Variants in WWOX observed in about 807,000 individuals in gnomAD.
WWOX encodes WW domain containing oxidoreductase.
In WWOX, 69 loss-of-function variants were observed where a neutral mutation model predicts 46.2. The observed-to-expected ratio is 1.49, with a 90% CI of 1.23 to 1.82. The LOEUF (loss-of-function observed/expected upper bound fraction) is 1.82, where lower values mean the gene tolerates loss of function less well. WWOX is among the 40% of genes most tolerant of loss of function. The probability of loss-of-function intolerance (pLI) is 0.00; values close to 1 mark genes in which losing one functional copy is unlikely to be tolerated. For missense variants in WWOX, 919 were observed against 542.6 expected, an observed-to-expected ratio of 1.69 and a Z score of -6.89; for synonymous variants, 359 against 202.6, an observed-to-expected ratio of 1.77 and a Z score of -6.56.
chr16:78,469,430 T>C (rs919788183), intron 8 of WWOX, among the ~76,000 whole-genome samples: 4 of 152,122 alleles, frequency 2.6e-5, no homozygotes, highest in Non-Finnish European at 4.4e-5. Context: ...AAACCAAAAG[T>C]GAGCAACAAG....
At chr16:78,406,946 A>T (rs1345574563) in intron 6 of WWOX, among the ~76,000 whole-genome samples, 1 of 152,126 alleles carries the variant, frequency 6.6e-6, no homozygotes, top group Non-Finnish European at 1.5e-5. Flanking sequence ...AATTTTTATA[A>T]ACTCCTTGGA....
At chr16:78,519,451 C>T (rs1407893893) in intron 8 of WWOX, among the ~76,000 whole-genome samples, 1 of 151,692 alleles carries the variant, frequency 6.6e-6, no homozygotes, top group Non-Finnish European at 1.5e-5. Context: ...AATGTGTTTC[C>T]TTCTAATTTT....
At chr16:78,930,329 G>C (rs2045596515) in intron 8 of WWOX, among the ~76,000 whole-genome samples, 1 of 137,600 alleles carries the variant, frequency 7.3e-6, no homozygotes, top group Non-Finnish European at 1.6e-5. Context: ...CCAGACTGGA[G>C]TGCAGTGGCA....
At chr16:78,759,834 C>T (rs779901110) in intron 8 of WWOX, among the ~76,000 whole-genome samples, 3 of 152,148 alleles carry the variant, frequency 2.0e-5, no homozygotes, top group Non-Finnish European at 2.9e-5. Flanking sequence ...AAAATGTTGG[C>T]AGGCCTTAGG....
chr16:78,605,275 T>TCCTCTTCCTCTGTCTC (rs1174063345), intron 8 of WWOX, among the ~76,000 whole-genome samples: 1 of 151,886 alleles, frequency 6.6e-6, no homozygotes, highest in Non-Finnish European at 1.5e-5. Context: ...GCCTCCTGCT[T>TCCTCTTCCTCTGTCTC]CCTCTTCCTC....
chr16:78,985,987 C>T (rs185910637), intron 8 of WWOX, among the ~76,000 whole-genome samples: 3 of 152,324 alleles, frequency 2.0e-5, no homozygotes, highest in East Asian at 1.9e-4. Flanking sequence ...CAACAATGCA[C>T]TGTGCTGACC....
chr16:78,114,869 G>T, intron 3 of WWOX, 107 bp from the exon 4 acceptor site: 2 of 1,410,726 alleles, frequency 1.4e-6, no homozygotes, highest in Non-Finnish European at 2.0e-6. Context: ...TAAGGAATAA[G>T]CATTTTGGTC....
intron 8 of WWOX, 22 bp downstream of exon 8, chr16:78,432,774 C>T (rs1567570608): frequency 6.2e-7 from 1 of 1,614,026 alleles, no homozygotes; most frequent in Non-Finnish European, 8.5e-7. Flanking sequence ...GCTTCTGGCG[C>T]CGCAAACACC....
intron 3 of WWOX, among the ~76,000 whole-genome samples, chr16:78,112,767 A>G (rs1366139799): frequency 6.8e-6 from 1 of 147,776 alleles, no homozygotes; most frequent in African/African-American, 2.5e-5. Flanking sequence ...TGACACAGTC[A>G]CAGCTCGCTG....
chr16:78,225,082 C>T (rs768332852), intron 5 of WWOX, among the ~76,000 whole-genome samples: 2 of 152,124 alleles, frequency 1.3e-5, no homozygotes, highest in Non-Finnish European at 2.9e-5. Context: ...AATGTATTGT[C>T]GGAATTCTGT....
intron 8 of WWOX, among the ~76,000 whole-genome samples, chr16:79,120,595 G>A (rs1027743838): frequency 3.3e-4 from 50 of 152,136 alleles, no homozygotes; most frequent in African/African-American, 1.1e-3. Context: ...GAGCCCAGAC[G>A]TCTGAAATTG....
chr16:79,023,472 C>G (rs1043357362), intron 8 of WWOX, among the ~76,000 whole-genome samples: 6 of 152,122 alleles, frequency 3.9e-5, no homozygotes, highest in African/African-American at 1.4e-4. Flanking sequence ...ACAAAGTGTT[C>G]AGGTTACATC....
In WWOX at chr16:78,720,665, C is replaced by T. The variant is rs1035269331; in HGVS notation, c.1056+287913C>T. On this transcript the variant is annotated intron_variant, in intron 8 of 8. Coordinates refer to ENST00000566780, the MANE Select transcript of WWOX (RefSeq NM_016373.4). ...CCTTGAATTGAATATGAGGCTCTGA[C>T]TATATAACAGAAAACACCCGAGTTT... 3.3e-5 allele frequency among the ~76,000 whole-genome samples: 5 copies of T among 152,048 alleles called. No homozygotes were observed. The East Asian group carries it at 7.8e-4, about 24-fold the overall frequency.
intron 6 of WWOX, among the ~76,000 whole-genome samples, chr16:78,402,860 G>A (rs1354971659): frequency 8.6e-5 from 13 of 151,290 alleles, no homozygotes. Flanking sequence ...TTTACAGCTG[G>A]TGACAGGGGG....
At chr16:78,324,943 C>A (rs528882996) in intron 5 of WWOX, among the ~76,000 whole-genome samples, 2 of 152,218 alleles carry the variant, frequency 1.3e-5, no homozygotes, top group South Asian at 4.1e-4. Flanking sequence ...CTCAATAAAG[C>A]TGTTAAAAAA....
chr16:78,742,735 T>C (rs1033598235), intron 8 of WWOX, among the ~76,000 whole-genome samples: 41 of 152,308 alleles, frequency 2.7e-4, no homozygotes, highest in African/African-American at 9.4e-4. Flanking sequence ...CAGTTTTGTT[T>C]TCACTTTGGT....
At chr16:78,523,460 G>A (rs1365159102) in intron 8 of WWOX, among the ~76,000 whole-genome samples, 1 of 152,194 alleles carries the variant, frequency 6.6e-6, no homozygotes, top group Non-Finnish European at 1.5e-5. Flanking sequence ...TGTTTGGGGA[G>A]CTGAAGGTCA....
intron 8 of WWOX, chr16:79,016,083 ATCTCTATATGTTCTCAAAT>A (rs1263058556): frequency 1.3e-5 from 2 of 152,038 alleles, no homozygotes; most frequent in Non-Finnish European, 2.9e-5. Context: ...CTCTCTTTGT[ATCTCTATATGTTCTCAAAT>A]TCCAACCTGT....
chr16:78,422,441 C>G (rs1451847507), intron 6 of WWOX, among the ~76,000 whole-genome samples: 1 of 150,990 alleles, frequency 6.6e-6, no homozygotes, highest in Non-Finnish European at 1.5e-5. Flanking sequence ...AACTCCTGGG[C>G]TCAAGTAATC....
Sources: allele counts gnomAD v4.1 joint callset (sites outside exome capture counted in the v4.1 genomes callset), GRCh38; gene constraint gnomAD v4.1.1; transcripts MANE v1.5; gene names NCBI Gene and HGNC (gene_info 2026-07-23, HGNC 2026-07-21).